The following PFKFB3 variants were observed in gnomAD, a reference collection of about 807,000 sequenced individuals.
The protein encoded by PFKFB3 is 6-phosphofructo-2-kinase/fructose-2,6-bisphosphatase 3.
In PFKFB3, 33 loss-of-function variants were observed where a neutral mutation model predicts 68.0. The observed-to-expected ratio is 0.49, with a 90% CI of 0.37 to 0.65. The LOEUF (loss-of-function observed/expected upper bound fraction) is 0.65, where lower values mean the gene tolerates loss of function less well. Ranked by LOEUF, PFKFB3 falls within the 30% of genes least tolerant of loss-of-function variation. The pLI is 0.00. For missense variants in PFKFB3, 586 were observed against 712.2 expected, an observed-to-expected ratio of 0.82 and a Z score of 2.02; for synonymous variants, 315 against 288.2, an observed-to-expected ratio of 1.09 and a Z score of -0.94.
the PFKFB3 span, among the ~76,000 whole-genome samples, chr10:6,315,424 G>C: frequency 6.6e-6 from 1 of 152,194 alleles, no homozygotes; most frequent in Non-Finnish European, 1.5e-5. Flanking sequence ...CCACATTCTA[G>C]AGCTGCATGA....
chr10:6,279,543 G>C, the PFKFB3 span, among the ~76,000 whole-genome samples: 4 of 143,152 alleles, frequency 2.8e-5, no homozygotes, highest in African/African-American at 7.5e-5. Context: ...AGAGAGAAAG[G>C]CTCTTTTCCT....
At chr10:6,277,725 G>C in the PFKFB3 span, 1 of 409,234 alleles carries the variant, frequency 2.4e-6, no homozygotes, top group South Asian at 1.7e-5. Context: ...AAGCTGAGCA[G>C]ATGCCAGCAC....
chr10:6,296,366 G>T, the PFKFB3 span, among the ~76,000 whole-genome samples: 258 of 152,174 alleles, frequency 1.7e-3, no homozygotes, highest in African/African-American at 5.8e-3. Context: ...GAATGTTACC[G>T]GAAAGGGGTC....
At chr10:6,275,709 G>A in the PFKFB3 span, among the ~76,000 whole-genome samples, 2 of 152,238 alleles carry the variant, frequency 1.3e-5, no homozygotes, top group East Asian at 3.9e-4. This position sits in a 1 kb window ranked among gnomAD's most constrained non-coding sequence, Gnocchi z 4.9. Flanking sequence ...TGCAACCTCC[G>A]CTTCCCGGGA....
chr10:6,215,144 T>G lies in PFKFB3; in HGVS notation c.203-77T>G, dbSNP rs1844478055. ...GTTGGCCTGGTGGCTCTTCCTTTGG[T>G]CGATCCTATGGTCCCGGTGTGAGCT... On this transcript the variant is annotated intron_variant, in intron 2 of 14. Coordinates refer to ENST00000379775, the MANE Select transcript of PFKFB3 (RefSeq NM_004566.4). The surrounding 1 kb of genome is among the most constrained non-coding windows in gnomAD (Gnocchi z 4.3). 1.6e-6 allele frequency: 2 copies of G among 1,280,764 alleles called. No homozygotes were observed. 79.3% of individuals were successfully genotyped at this position (1,280,764 alleles called of 1,614,324 possible).
At chr10:6,188,502 GAC>G (rs1031265963) in intron 1 of PFKFB3, among the ~76,000 whole-genome samples, 3 of 151,544 alleles carry the variant, frequency 2.0e-5, no homozygotes, top group African/African-American at 7.3e-5. Context: ...AAAAATGTGT[GAC>G]ACAAAATCTA....
At chr10:6,321,576 C>G in the PFKFB3 span, among the ~76,000 whole-genome samples, 5 of 152,136 alleles carry the variant, frequency 3.3e-5, no homozygotes, top group Admixed American at 3.3e-4. Context: ...CTTTTGGAAT[C>G]TTGATTTTAA....
downstream of PFKFB3, among the ~76,000 whole-genome samples, chr10:6,258,757 T>C (rs78669254): frequency 0.017 from 2,662 of 152,308 alleles, 77 homozygotes; most frequent in African/African-American, 0.059. Flanking sequence ...ACAGCCTGGA[T>C]TGATGGCCTT....
At chr10:6,192,298 G>A (rs892731473) in intron 1 of PFKFB3, among the ~76,000 whole-genome samples, 1 of 151,330 alleles carries the variant, frequency 6.6e-6, no homozygotes, top group Non-Finnish European at 1.5e-5. Context: ...CCAGCCTGGA[G>A]GTTTCCTAAC....
chr10:6,212,157 C>A (rs540727681), intron 1 of PFKFB3, among the ~76,000 whole-genome samples: 2 of 152,384 alleles, frequency 1.3e-5, no homozygotes, highest in Non-Finnish European at 2.9e-5. Context: ...GCCAGGCTAA[C>A]CACGTGGCAG....
At chr10:6,249,549 G>C (rs762593973) in intron 14 of PFKFB3, among the ~76,000 whole-genome samples, 2 of 152,170 alleles carry the variant, frequency 1.3e-5, no homozygotes, top group Non-Finnish European at 2.9e-5. Context: ...AACATGGATG[G>C]AATTGGAAAA....
At chr10:6,186,695 G>T (rs1842875915) in intron 1 of PFKFB3, among the ~76,000 whole-genome samples, 1 of 152,118 alleles carries the variant, frequency 6.6e-6, no homozygotes, top group Non-Finnish European at 1.5e-5. Flanking sequence ...ATGGGGTCTT[G>T]CTATGCTGCC....
At chr10:6,278,056 T>A in the PFKFB3 span, among the ~76,000 whole-genome samples, 20,016 of 152,018 alleles carry the variant, frequency 0.13, 1,728 homozygotes, top group Non-Finnish European at 0.19. Context: ...TAGCTGGGAC[T>A]ACAGGCATGT....
intron 1 of PFKFB3, chr10:6,145,043 C>T (rs1225022613): frequency 1.2e-5 from 16 of 1,318,624 alleles, no homozygotes; most frequent in Non-Finnish European, 2.9e-6. Flanking sequence ...GGCCCACGCC[C>T]CCAGCGCGCG....
chr10:6,176,682 G>C (rs1178226190), intron 1 of PFKFB3, among the ~76,000 whole-genome samples: 1 of 152,056 alleles, frequency 6.6e-6, no homozygotes. Context: ...CACCACACCC[G>C]GCCTCCATGT....
Position 6,210,356 on chromosome 10 carries a change from G to GTTTTTTTTTTTT in PFKFB3, c.77-3260_77-3259insTTTTTTTTTTTT, listed in dbSNP as rs762723368. Among the ~76,000 whole-genome samples, 30 of 44,472 alleles carry GTTTTTTTTTTTT rather than the reference G, an allele frequency of 6.7e-4. 1 individual carries two copies. Among genetic ancestry groups the GTTTTTTTTTTTT allele is most frequent in the African/African-American group, 1.4e-3 (30 of 21,540 alleles). 29.2% of individuals were successfully genotyped at this position (44,472 alleles called of 152,430 possible). A position where few individuals can be genotyped will look rare whatever the true frequency, so the allele number is the denominator to read the frequency against. On this transcript the variant is annotated intron_variant, in intron 1 of 14. Coordinates refer to ENST00000379775, the MANE Select transcript of PFKFB3 (RefSeq NM_004566.4). ...TCTTTGTTTTTTTTTGTTTTTTTTT[G>GTTTTTTTTTTTT]TTTTTTTGTTTTTTTTTTTTTTGAG...
the PFKFB3 span, among the ~76,000 whole-genome samples, chr10:6,320,247 C>T: frequency 6.6e-6 from 1 of 152,112 alleles, no homozygotes; most frequent in African/African-American, 2.4e-5. Flanking sequence ...TTCTAAGAGA[C>T]ACAGCCTACA....
At chr10:6,266,290 A>G in the PFKFB3 span, among the ~76,000 whole-genome samples, 2 of 152,184 alleles carry the variant, frequency 1.3e-5, no homozygotes, top group Admixed American at 1.3e-4. Flanking sequence ...TTGACACTCA[A>G]ATTGTCCCAG....
chr10:6,202,916 G>C, upstream of PFKFB3: 1 of 1,182,560 alleles, frequency 8.5e-7, no homozygotes, highest in Non-Finnish European at 1.0e-6. Context: ...AAAGCCGGCG[G>C]TGCGCGGGGC....
Sources: gnomAD v4.1 joint callset for allele counts (sites outside exome capture counted in the v4.1 genomes callset) on GRCh38, gnomAD v4.1.1 for gene constraint, Gnocchi (gnomAD v3.1) non-coding constraint, MANE v1.5 for transcripts, NCBI Gene and HGNC (gene_info 2026-07-23, HGNC 2026-07-21) for gene names.